The following RPH3A variants were observed in gnomAD, a reference collection of about 807,000 sequenced individuals.
RPH3A encodes rabphilin-3A.
In RPH3A, 48 loss-of-function variants were observed where a neutral mutation model predicts 102.2. The observed-to-expected ratio is 0.47, with a 90% CI of 0.37 to 0.60. RPH3A has a LOEUF of 0.60. Ranked by LOEUF, RPH3A falls within the 20% of genes least tolerant of loss-of-function variation. The pLI, the probability that RPH3A is intolerant of heterozygous loss-of-function variation, is 0.00. For missense variants in RPH3A, 781 were observed against 910.1 expected (o/e 0.86, Z 1.83); for synonymous variants, 310 against 324.3 (o/e 0.96, Z 0.47).
In RPH3A at chr12:112,849,007, T is replaced by C. The variant is rs1299705864; in HGVS notation, c.230+1165T>C. 3.3e-5 allele frequency among the ~76,000 whole-genome samples: 5 copies of C among 152,268 alleles called. 1 individual carries two copies. In the East Asian group the frequency reaches 9.6e-4, roughly 29 times the overall value. On this transcript the variant is annotated intron_variant, in intron 5 of 21. Coordinates refer to ENST00000389385, the MANE Select transcript of RPH3A (RefSeq NM_001143854.2). Reference sequence around the variant, plus strand: ...GGTTGCTGGGATACCACCTCCACCCTATGCCCCTACCCAAGCCCTTCTGCC... The same window carrying C: ...GGTTGCTGGGATACCACCTCCACCCCATGCCCCTACCCAAGCCCTTCTGCC...
chr12:112,817,039 A>G (rs965284872), intron 2 of RPH3A, among the ~76,000 whole-genome samples: 1 of 152,156 alleles, frequency 6.6e-6, no homozygotes, highest in Non-Finnish European at 1.5e-5. Context: ...AAACTTGCCC[A>G]AGGTGACCTG....
chr12:112,579,463 T>G (rs1384868032), intron 1 of RPH3A, among the ~76,000 whole-genome samples: 3 of 152,148 alleles, frequency 2.0e-5, no homozygotes, highest in Non-Finnish European at 4.4e-5. Flanking sequence ...TCACCTTCTC[T>G]TCTCAAATTC....
chr12:112,686,331 C>G (rs1383754058), intron 1 of RPH3A, among the ~76,000 whole-genome samples: 1 of 152,178 alleles, frequency 6.6e-6, no homozygotes, highest in Non-Finnish European at 1.5e-5. Context: ...TCCCCTGCCC[C>G]TGAACCCATG....
rs35786803 is a variant in RPH3A at position 112,876,673 on chromosome 12, C to T, written c.978C>T (p.Ala326=). ...EVAPSDPGTT[A]PPREERTGGV... Reference sequence around the variant, plus strand: ...CTCCGAGCGACCCTGGGACCACTGCCCCACCCCGAGAGGAGAGAACAGGGG... The same window carrying T: ...CTCCGAGCGACCCTGGGACCACTGCTCCACCCCGAGAGGAGAGAACAGGGG... The change falls in exon 13 of 22, where the codon GCC becomes GCT. Residue 326 remains alanine, a synonymous_variant. Coordinates refer to ENST00000389385, the MANE Select transcript of RPH3A (RefSeq NM_001143854.2). The T allele has an allele frequency of 2.2e-5, 35 of 1,612,588 alleles. No homozygotes were observed. In the African/African-American group the frequency reaches 3.7e-4, roughly 17 times the overall value.
Position 112,709,549 on chromosome 12 carries a change from C to CAAA in RPH3A, c.-139-82579_-139-82577dup, listed in dbSNP as rs369557001. Among the ~76,000 whole-genome samples, 364 of 128,346 alleles carry CAAA rather than the reference C, an allele frequency of 2.8e-3. 1 individual carries two copies. The highest frequency in any genetic ancestry group is 9.9e-3 in the African/African-American group (338 of 34,268). The allele number at this position is 128,346 out of a possible 152,430, so 84.2% of individuals were successfully genotyped here. A position where few individuals can be genotyped will look rare whatever the true frequency, so the allele number is the denominator to read the frequency against. On this transcript the variant is annotated intron_variant, in intron 1 of 21. Coordinates refer to the RPH3A transcript ENST00000543106. The stretch of plus-strand genomic sequence containing the variant: ...TGGGTGACAGAGCGAAACCCTGTCT[C>CAAA]AAAAAAAAAAAAAAAAATTACTCTC...
chr12:112,785,602 C>T (rs538039382), intron 1 of RPH3A, among the ~76,000 whole-genome samples: 7 of 152,096 alleles, frequency 4.6e-5, no homozygotes, highest in South Asian at 2.1e-4. Context: ...GCCTATGTGC[C>T]GGGCTCTGCT....
At chr12:112,769,921 A>T (rs1266105604) in intron 1 of RPH3A, among the ~76,000 whole-genome samples, 1 of 152,186 alleles carries the variant, frequency 6.6e-6, no homozygotes, top group African/African-American at 2.4e-5. Flanking sequence ...TGATAGATTT[A>T]TATATTTCCA....
intron 1 of RPH3A, among the ~76,000 whole-genome samples, chr12:112,711,627 T>C (rs1024169523): frequency 1.3e-5 from 2 of 152,192 alleles, no homozygotes; most frequent in Non-Finnish European, 2.9e-5. Context: ...CCTTTCCTTG[T>C]GGTTGCAATG....
intron 2 of RPH3A, among the ~76,000 whole-genome samples, chr12:112,799,573 C>G (rs139309916): frequency 6.6e-6 from 1 of 152,160 alleles, no homozygotes; most frequent in Non-Finnish European, 1.5e-5. Flanking sequence ...TTCTGAAGCC[C>G]TCCCAGGCTT....
At chr12:112,801,177 T>C (rs2041343406) in intron 2 of RPH3A, among the ~76,000 whole-genome samples, 1 of 152,144 alleles carries the variant, frequency 6.6e-6, no homozygotes, top group South Asian at 2.1e-4. Context: ...TGCAGCTTCC[T>C]CTCTGATCTG....
chr12:112,787,403 C>T (rs569885961), upstream of RPH3A, among the ~76,000 whole-genome samples: 1 of 152,310 alleles, frequency 6.6e-6, no homozygotes, highest in South Asian at 2.1e-4. Context: ...CCCATTCTCC[C>T]CCTCTTCCTG....
At chr12:112,723,532 C>T (rs1433815281) in intron 1 of RPH3A, among the ~76,000 whole-genome samples, 1 of 152,206 alleles carries the variant, frequency 6.6e-6, no homozygotes, top group Non-Finnish European at 1.5e-5. Context: ...CTTGTAATGC[C>T]ATGACCTTTC....
chr12:112,883,223 C>A, intron 15 of RPH3A, 70 bp from the exon 16 acceptor site: 1 of 1,277,474 alleles, frequency 7.8e-7, no homozygotes, highest in Non-Finnish European at 1.1e-6. Flanking sequence ...CACGTCAGCC[C>A]AAACGATGGG....
chr12:112,648,570 C>CAAAAAAAAAAAAAAAAAA (rs1167121829), intron 1 of RPH3A, among the ~76,000 whole-genome samples: 243 of 11,044 alleles, frequency 0.022, 108 homozygotes, highest in East Asian at 0.028. Flanking sequence ...CCCATCTCTA[C>CAAAAAAAAAAAAAAAAAA]AAAAAAAAAA....
At chr12:112,612,559 CT>C (rs1007489149) in intron 1 of RPH3A, among the ~76,000 whole-genome samples, 1,468 of 109,708 alleles carry the variant, frequency 0.013, 12 homozygotes, top group African/African-American at 0.039. Context: ...GGAGTTTTGC[CT>C]TTTTTTTTTT....
intron 1 of RPH3A, among the ~76,000 whole-genome samples, chr12:112,755,099 A>T (rs972974380): frequency 6.6e-6 from 1 of 152,102 alleles, no homozygotes; most frequent in African/African-American, 2.4e-5. Flanking sequence ...GGTCTTTTTA[A>T]TTAATTCTTT....
intron 1 of RPH3A, among the ~76,000 whole-genome samples, chr12:112,781,168 A>G (rs2041004420): frequency 6.9e-6 from 1 of 145,572 alleles, no homozygotes; most frequent in African/African-American, 2.6e-5. Context: ...TCAAAAAAAC[A>G]AAACAAAACA....
chr12:112,865,598 T>A, intron 6 of RPH3A, 55 bp downstream of exon 6: 1 of 1,575,288 alleles, frequency 6.3e-7, no homozygotes, highest in South Asian at 1.2e-5. Flanking sequence ...GAGGGGAAAG[T>A]CCTAGGCTCC....
At chr12:112,859,458 G>C (rs529005172) in intron 5 of RPH3A, among the ~76,000 whole-genome samples, 1 of 152,200 alleles carries the variant, frequency 6.6e-6, no homozygotes, top group Non-Finnish European at 1.5e-5. Flanking sequence ...GCATTAAAGA[G>C]GGAAGTAAAA....
Sources: gnomAD v4.1 joint callset for allele counts (sites outside exome capture counted in the v4.1 genomes callset) on GRCh38, gnomAD v4.1.1 for gene constraint, MANE v1.5 for transcripts, NCBI Gene and HGNC (gene_info 2026-07-23, HGNC 2026-07-21) for gene names.